WWOX: variants seen among roughly 807,000 people sequenced by gnomAD.
WWOX encodes WW domain-containing oxidoreductase.
In WWOX, 69 loss-of-function variants were observed where a neutral mutation model predicts 46.2. That is an observed-to-expected ratio of 1.49 (90% CI 1.23 to 1.82). WWOX has a LOEUF of 1.82. Among genes scored for constraint, WWOX ranks in the 40% most tolerant of loss-of-function variants. The pLI, the probability that WWOX is intolerant of heterozygous loss-of-function variation, is 0.00. For synonymous variants in WWOX, 359 were observed against 202.6 expected (o/e 1.77, Z -6.56); for missense variants, 919 against 542.6 (o/e 1.69, Z -6.89).
intron 7 of WWOX, among the ~76,000 whole-genome samples, chr16:78,426,470 A>T (rs898863389): frequency 6.6e-6 from 1 of 152,180 alleles, no homozygotes; most frequent in African/African-American, 2.4e-5. Context: ...GGTGTAATTC[A>T]TGCCTACTTC....
chr16:78,744,950 T>C (rs1002904938), intron 8 of WWOX, among the ~76,000 whole-genome samples: 1 of 152,190 alleles, frequency 6.6e-6, no homozygotes, highest in African/African-American at 2.4e-5. Context: ...CCCTACCTGA[T>C]TCAGGCTGCG....
chr16:78,385,361 T>A (rs543869077), intron 5 of WWOX, among the ~76,000 whole-genome samples: 1 of 152,276 alleles, frequency 6.6e-6, no homozygotes, highest in African/African-American at 2.4e-5. Context: ...AGAAACATCT[T>A]CTCTGCTAGT....
intron 5 of WWOX, among the ~76,000 whole-genome samples, chr16:78,185,055 C>A (rs1485930246): frequency 6.6e-6 from 1 of 152,106 alleles, no homozygotes; most frequent in Non-Finnish European, 1.5e-5. Flanking sequence ...ATGTGCTGAC[C>A]CTCGCTCTGG....
chr16:78,488,593 A>T (rs920406971), intron 8 of WWOX, among the ~76,000 whole-genome samples: 3 of 152,110 alleles, frequency 2.0e-5, no homozygotes, highest in African/African-American at 4.8e-5. Flanking sequence ...AGCTGACCCG[A>T]GAGACCGTGG....
At chr16:79,014,958 A>T (rs2047383137) in intron 8 of WWOX, among the ~76,000 whole-genome samples, 1 of 152,150 alleles carries the variant, frequency 6.6e-6, no homozygotes, top group African/African-American at 2.4e-5. Flanking sequence ...TATGTAGGAG[A>T]AGGATGTATC....
intron 5 of WWOX, among the ~76,000 whole-genome samples, chr16:78,181,456 A>G (rs1023637811): frequency 4.6e-5 from 7 of 152,314 alleles, no homozygotes; most frequent in African/African-American, 1.7e-4. Context: ...GGAAAAAAAT[A>G]TCAATACTTT....
intron 8 of WWOX, among the ~76,000 whole-genome samples, chr16:78,876,338 T>C (rs961314730): frequency 6.6e-6 from 1 of 152,186 alleles, no homozygotes; most frequent in Non-Finnish European, 1.5e-5. Flanking sequence ...TTCTGCACTT[T>C]GGGTGTTTTG....
chr16:79,167,795 A>G (rs7205445), intron 8 of WWOX, among the ~76,000 whole-genome samples: 67,898 of 152,166 alleles, frequency 0.45, 15,994 homozygotes, highest in East Asian at 0.75. Flanking sequence ...TGTACACTTC[A>G]GTGGCATTTA....
chr16:78,742,546 C>G (rs1354242779), intron 8 of WWOX, among the ~76,000 whole-genome samples: 2 of 152,224 alleles, frequency 1.3e-5, no homozygotes, highest in Non-Finnish European at 2.9e-5. Flanking sequence ...TCCTCTGACT[C>G]AAATGACAAA....
chr16:79,072,868 T>A (rs2048577610), intron 8 of WWOX, among the ~76,000 whole-genome samples: 1 of 152,196 alleles, frequency 6.6e-6, no homozygotes, highest in Non-Finnish European at 1.5e-5. Context: ...TGTAGCTGTT[T>A]TCTGGCCTGA....
intron 8 of WWOX, among the ~76,000 whole-genome samples, chr16:78,671,458 A>G (rs528907997): frequency 2.6e-5 from 4 of 152,146 alleles, no homozygotes; most frequent in African/African-American, 4.8e-5. Context: ...ATAAATTTCT[A>G]TTGTTTTAAG....
intron 8 of WWOX, among the ~76,000 whole-genome samples, chr16:79,124,467 G>T (rs990722620): frequency 2.6e-5 from 4 of 152,206 alleles, no homozygotes; most frequent in Non-Finnish European, 5.9e-5. Flanking sequence ...GACAGGGCAG[G>T]AGGGTGGTGT....
intron 8 of WWOX, among the ~76,000 whole-genome samples, chr16:78,978,512 C>T (rs1000917518): frequency 6.6e-5 from 10 of 152,130 alleles, no homozygotes; most frequent in African/African-American, 2.4e-4. Flanking sequence ...TCTATTCTGG[C>T]ACTGCTATAA....
chr16:78,291,292 A>G (rs1274572975), intron 5 of WWOX, among the ~76,000 whole-genome samples: 1 of 152,220 alleles, frequency 6.6e-6, no homozygotes, highest in East Asian at 1.9e-4. Context: ...CTTAAGGACC[A>G]CAGCCTAATG....
At chr16:79,174,541 C>T (rs1490177389) in intron 8 of WWOX, among the ~76,000 whole-genome samples, 5 of 152,194 alleles carry the variant, frequency 3.3e-5, no homozygotes, top group African/African-American at 9.6e-5. Context: ...CCCAGCTACT[C>T]TGGGCCTGAG....
chr16:78,781,810 C>T (rs913806802), intron 8 of WWOX, among the ~76,000 whole-genome samples: 2 of 152,192 alleles, frequency 1.3e-5, no homozygotes, highest in Non-Finnish European at 2.9e-5. Flanking sequence ...TGAATATTTT[C>T]TTCTAAGTAG....
chr16:78,155,336 A>G (rs913502897), intron 4 of WWOX, among the ~76,000 whole-genome samples: 14 of 152,186 alleles, frequency 9.2e-5, no homozygotes, highest in African/African-American at 3.4e-4. Flanking sequence ...TGTGGGCTTG[A>G]CTTGTCCTCT....
At position 78,782,666 on chromosome 16, in the gene WWOX, C is replaced by CTTT. The variant is rs59862391; in HGVS notation, c.1056+349929_1056+349931dup. ...TCTTTCCGGTCTTTCTTTTCTATAT[C>CTTT]TTTTTTTTTTTTTTTTTGCATTTTT... is the stretch of plus-strand genomic sequence containing the variant. On this transcript the variant is annotated intron_variant, in intron 8 of 8. Transcript: ENST00000566780. Among the ~76,000 whole-genome samples, 5 of 131,846 alleles carry CTTT rather than the reference C, an allele frequency of 3.8e-5. No homozygotes were observed. The East Asian group carries it at 9.0e-4, about 24-fold the overall frequency. 86.5% of individuals were successfully genotyped at this position (131,846 alleles called of 152,430 possible).
rs183856748 is a variant in WWOX at position 79,115,703 on chromosome 16, C to T, written c.1057-95905C>T. On this transcript the variant is annotated intron_variant, in intron 8 of 8. Transcript: ENST00000566780. The stretch of plus-strand genomic sequence containing the variant: ...TCTCCCAGCCCCCGCACTGGTTGCA[C>T]TTTTAAATAAGAGAAAAAAACAGTG... 6.0e-4 allele frequency among the ~76,000 whole-genome samples: 91 copies of T among 152,252 alleles called. No individual in the cohort carries two copies. In the Middle Eastern group the frequency reaches 0.01, roughly 17 times the overall value.
Sources: gnomAD v4.1 joint callset for allele counts (sites outside exome capture counted in the v4.1 genomes callset) on GRCh38, gnomAD v4.1.1 for gene constraint, MANE v1.5 for transcripts, NCBI Gene and HGNC (gene_info 2026-07-23, HGNC 2026-07-21) for gene names.